The following ABCC4 variants were observed in gnomAD, a reference collection of about 807,000 sequenced individuals.
ABCC4 encodes the protein ATP binding cassette subfamily C member 4 (PEL blood group).
ABCC4 carries 102 observed loss-of-function variants against 168.5 expected under a neutral mutation model. The observed-to-expected ratio is 0.61, with a 90% confidence interval of 0.52 to 0.71. The LOEUF (loss-of-function observed/expected upper bound fraction) is 0.71. ABCC4 is among the 30% of genes least tolerant of loss of function. The pLI, the probability that ABCC4 is intolerant of heterozygous loss-of-function variation, is 0.00. For missense variants in ABCC4, 1,402 were observed against 1,605.8 expected (o/e 0.87, Z 2.17); for synonymous variants, 617 against 590.7 (o/e 1.04, Z -0.65).
At chr13:95,136,994 A>G (rs569858029) in intron 19 of ABCC4, among the ~76,000 whole-genome samples, 1 of 152,180 alleles carries the variant, frequency 6.6e-6, no homozygotes, top group Non-Finnish European at 1.5e-5. Flanking sequence ...TTTACTTTAC[A>G]TGGTTTGCTC....
intron 1 of ABCC4, chr13:95,269,287 T>A (rs796849281): frequency 2.2e-6 from 1 of 453,752 alleles, no homozygotes; most frequent in African/African-American, 2.0e-5. Context: ...GCCTACAACC[T>A]GTCAGCAGCA....
intron 1 of ABCC4, among the ~76,000 whole-genome samples, chr13:95,297,956 T>G (rs871051): frequency 0.87 from 132,027 of 151,516 alleles, 59,222 homozygotes; most frequent in East Asian, 0.98. Flanking sequence ...AGATGATGAT[T>G]ATTATTATTT....
intron 25 of ABCC4, among the ~76,000 whole-genome samples, chr13:95,070,959 G>A (rs909445947): frequency 2.6e-5 from 4 of 152,174 alleles, no homozygotes; most frequent in Non-Finnish European, 5.9e-5. Context: ...CACATGTTGT[G>A]GGAGGGACCC....
intron 10 of ABCC4, among the ~76,000 whole-genome samples, chr13:95,187,739 A>G (rs533848625): frequency 2.0e-5 from 3 of 152,346 alleles, no homozygotes; most frequent in African/African-American, 7.2e-5. Context: ...TTCAATTGTT[A>G]AACCACCCTA....
chr13:95,079,325 G>C (rs2034012431), intron 21 of ABCC4, among the ~76,000 whole-genome samples: 2 of 152,198 alleles, frequency 1.3e-5, no homozygotes, highest in South Asian at 4.1e-4. Context: ...TCTCTGAAAA[G>C]AACATGAAAA....
At chr13:95,025,030 T>G (rs2031324898) in intron 30 of ABCC4, among the ~76,000 whole-genome samples, 1 of 151,888 alleles carries the variant, frequency 6.6e-6, no homozygotes, top group Admixed American at 6.6e-5. Context: ...CTAAGGTATG[T>G]CAATAAAGAA....
At position 95,067,637 on chromosome 13, in the gene ABCC4, T is replaced by C. The variant is rs191179503; in HGVS notation, c.3210+4025A>G. Reference sequence around the variant, plus strand: ...GTGATGCTGATCCCAGCCCCTGAGATGAGCAAGCAGGCAGGGCAAGTGGGA... The same window carrying C: ...GTGATGCTGATCCCAGCCCCTGAGACGAGCAAGCAGGCAGGGCAAGTGGGA... On this transcript the variant is annotated intron_variant, in intron 25 of 30. Transcript: ENST00000645237. Among the ~76,000 whole-genome samples the C allele has an allele frequency of 2.8e-3, 428 of 152,128 alleles. 1 individual carries two copies. Among genetic ancestry groups the C allele is most frequent in the Non-Finnish European group, 4.8e-3 (326 of 68,000 alleles).
At chr13:95,269,007 A>G (rs1190775455) in intron 1 of ABCC4, among the ~76,000 whole-genome samples, 1 of 152,120 alleles carries the variant, frequency 6.6e-6, no homozygotes, top group Admixed American at 6.6e-5. Flanking sequence ...CCCTTCACTA[A>G]TAGGCTAGGA....
intron 3 of ABCC4, among the ~76,000 whole-genome samples, chr13:95,246,565 G>A (rs375304524): frequency 2.6e-5 from 4 of 152,198 alleles, no homozygotes; most frequent in South Asian, 2.1e-4. Flanking sequence ...TCTGGGCTCC[G>A]ATCCAAAATC....
At chr13:95,082,232 T>G (rs2034120972) in intron 21 of ABCC4, among the ~76,000 whole-genome samples, 1 of 152,184 alleles carries the variant, frequency 6.6e-6, no homozygotes, top group Non-Finnish European at 1.5e-5. Context: ...TCCTTATACC[T>G]TTTATTAAAA....
At chr13:95,250,184 A>G (rs960859869) in intron 1 of ABCC4, among the ~76,000 whole-genome samples, 5 of 152,160 alleles carry the variant, frequency 3.3e-5, no homozygotes, top group Non-Finnish European at 5.9e-5. Flanking sequence ...CTTAATACCA[A>G]TGTGTCCCTG....
intron 3 of ABCC4, among the ~76,000 whole-genome samples, chr13:95,246,751 C>T (rs781532530): frequency 6.6e-6 from 1 of 152,146 alleles, no homozygotes; most frequent in Non-Finnish European, 1.5e-5. Flanking sequence ...ACAATAATGA[C>T]CTTGAACTTC....
At chr13:95,035,893 T>C (rs7997151) in intron 29 of ABCC4, among the ~76,000 whole-genome samples, 151,874 of 152,324 alleles carry the variant, frequency 1, 75,714 homozygotes, top group Non-Finnish European at 1. Context: ...TACATGTAGA[T>C]ATTGCAGTTA....
chr13:95,298,673 G>C (rs775699008), intron 1 of ABCC4, among the ~76,000 whole-genome samples: 5 of 152,292 alleles, frequency 3.3e-5, no homozygotes, highest in Middle Eastern at 3.4e-3. Context: ...AACAGGGAGC[G>C]CCTTCTCCAT....
intron 20 of ABCC4, among the ~76,000 whole-genome samples, chr13:95,102,402 T>C (rs1293090408): frequency 6.6e-6 from 1 of 152,054 alleles, no homozygotes; most frequent in Non-Finnish European, 1.5e-5. Flanking sequence ...CAGGTCGGCC[T>C]CCCAAATTGC....
chr13:95,211,343 G>T (rs1192590334), intron 4 of ABCC4, among the ~76,000 whole-genome samples: 1 of 152,184 alleles, frequency 6.6e-6, no homozygotes, highest in Non-Finnish European at 1.5e-5. Flanking sequence ...GGGAGACAGG[G>T]CTAGGTATGT....
rs2031002336 is a variant in ABCC4 at position 95,019,973 on chromosome 13, T to C, written c.*1602A>G. 6.6e-6 allele frequency: 1 copy of C among 152,264 alleles called. No individual in the cohort carries two copies. Among genetic ancestry groups the C allele is most frequent in the African/African-American group, 2.4e-5 (1 of 41,470 alleles). The allele number at this position is 152,264 out of a possible 1,614,324, so 9.4% of individuals were successfully genotyped here. A position where few individuals can be genotyped will look rare whatever the true frequency, so the allele number is the denominator to read the frequency against. ...CAAATAAACATATAGACATTTTGAA[T>C]ATAGCTATCGTTTTAACAAACCTCA... On this transcript the variant is annotated 3_prime_UTR_variant, in exon 31 of 31. Transcript: ENST00000645237.
At chr13:95,159,596 C>T (rs1215154109) in intron 19 of ABCC4, among the ~76,000 whole-genome samples, 2 of 152,156 alleles carry the variant, frequency 1.3e-5, no homozygotes, top group Non-Finnish European at 2.9e-5. Flanking sequence ...AACAGAAAGG[C>T]AGTCCCACTT....
rs9561800 is a variant in ABCC4 at position 95,186,340 on chromosome 13, T to C, written c.1545+361A>G. On this transcript the variant is annotated intron_variant, in intron 11 of 30. Coordinates refer to ENST00000645237, the MANE Select transcript of ABCC4 (RefSeq NM_005845.5). ...GGGCCAGGGGAGAGACGGAGTTGAA[T>C]TGGCTACAAGTTGATCGCACTTGAA... is the stretch of plus-strand genomic sequence containing the variant. Among the ~76,000 whole-genome samples the C allele has an allele frequency of 1.3e-3, 202 of 152,284 alleles. 5 individuals are homozygous for C. In the East Asian group the frequency reaches 0.03, roughly 23 times the overall value.
Sources: gnomAD v4.1 joint callset for allele counts (sites outside exome capture counted in the v4.1 genomes callset) on GRCh38, gnomAD v4.1.1 for gene constraint, MANE v1.5 for transcripts, NCBI Gene and HGNC (gene_info 2026-07-23, HGNC 2026-07-21) for gene names.